The following ATG7 variants were observed in gnomAD, a reference collection of about 807,000 sequenced individuals.
ATG7 encodes ubiquitin-like modifier-activating enzyme ATG7.
A neutral mutation model predicts 82.4 loss-of-function variants in ATG7; 70 were observed. The ratio of observed to expected loss-of-function variants is 0.85; its 90% CI spans 0.70 to 1.04. ATG7 has a LOEUF of 1.04. ATG7 is among the 50% of genes least tolerant of loss of function. The probability of loss-of-function intolerance (pLI) is 0.00; values close to 1 mark genes in which losing one functional copy is unlikely to be tolerated. For synonymous variants in ATG7, 287 were observed against 313.0 expected, an observed-to-expected ratio of 0.92 and a Z score of 0.88; for missense variants, 792 against 864.3, an observed-to-expected ratio of 0.92 and a Z score of 1.05.
intron 20 of ATG7, among the ~76,000 whole-genome samples, chr3:11,440,056 T>C (rs1215806497): frequency 6.6e-6 from 1 of 152,220 alleles, no homozygotes; most frequent in Non-Finnish European, 1.5e-5. Context: ...CATTCTGCTT[T>C]ATAGAACATA....
rs530256011 is a variant in ATG7 at position 11,326,514 on chromosome 3, G to T, written c.679-4826G>T. Among the ~76,000 whole-genome samples the T allele has an allele frequency of 1.2e-4, 19 of 152,226 alleles. No homozygotes were observed. The South Asian group carries it at 3.7e-3, about 30-fold the overall frequency. On this transcript the variant is annotated intron_variant, in intron 9 of 20. Coordinates refer to ENST00000693202, the MANE Select transcript of ATG7 (RefSeq NM_001349232.2). ...GGGGTTTCACTGTGTTAGCCAGGAT[G>T]GTCTTGATCTCCTGACCTTGTGATC...
rs569774565 is a variant in ATG7, at chr3:11,391,994, C to T, written c.1956+11942C>T. On this transcript the variant is annotated intron_variant, in intron 19 of 20. Transcript: ENST00000693202. ...TAATTTCACTTTAAATTTTTAGCAG[C>T]TTCGAGGACTTAATTGGTTAGGCTC... Among the ~76,000 whole-genome samples, 22 of 151,020 alleles carry T rather than the reference C, an allele frequency of 1.5e-4. No individual in the cohort carries two copies. In the South Asian group the frequency reaches 3.4e-3, roughly 23 times the overall value.
the ATG7 span, among the ~76,000 whole-genome samples, chr3:11,569,385 C>G: frequency 1.3e-5 from 2 of 152,214 alleles, no homozygotes; most frequent in Non-Finnish European, 2.9e-5. Flanking sequence ...ATGGCAGGTG[C>G]TCCCACCCAG....
In ATG7 at chr3:11,395,939, CAAAAAA is replaced by C. The variant is rs869125190; in HGVS notation, c.1956+15908_1956+15913del. Among the ~76,000 whole-genome samples, 41 of 25,520 alleles carry C rather than the reference CAAAAAA, an allele frequency of 1.6e-3. 1 individual carries two copies. In the East Asian group the frequency reaches 0.049, roughly 30 times the overall value. 16.7% of individuals were successfully genotyped at this position (25,520 alleles called of 152,430 possible). A position where few individuals can be genotyped will look rare whatever the true frequency, so the allele number is the denominator to read the frequency against. On this transcript the variant is annotated intron_variant, in intron 19 of 20. Transcript: ENST00000693202. ...TGGGCGACAGAGCGAGACTCTGTCT[CAAAAAA>C]AAAAAAAAAAAAAAAAAAAAGGTAG...
intron 20 of ATG7, among the ~76,000 whole-genome samples, chr3:11,429,158 C>T (rs1383929037): frequency 6.6e-6 from 1 of 151,972 alleles, no homozygotes; most frequent in African/African-American, 2.4e-5. Context: ...TATTTTTTGG[C>T]CTGCCCAGTT....
intron 20 of ATG7, among the ~76,000 whole-genome samples, chr3:11,450,288 TTACA>T (rs1410840112): frequency 6.6e-6 from 1 of 152,212 alleles, no homozygotes; most frequent in Non-Finnish European, 1.5e-5. Context: ...AGTGTCTTTC[TTACA>T]TATTAGTTGG....
At chr3:11,518,983 A>T (rs897778196) in intron 20 of ATG7, among the ~76,000 whole-genome samples, 35 of 150,062 alleles carry the variant, frequency 2.3e-4, no homozygotes, top group Non-Finnish European at 2.7e-4. Context: ...ATCAAGATTT[A>T]AAAAAAAAAT....
At chr3:11,405,820 G>C (rs543687270) in intron 19 of ATG7, among the ~76,000 whole-genome samples, 1 of 151,754 alleles carries the variant, frequency 6.6e-6, no homozygotes, top group Non-Finnish European at 1.5e-5. Flanking sequence ...GGGTTTCGCT[G>C]TGTTTCCCAG....
intron 20 of ATG7, among the ~76,000 whole-genome samples, chr3:11,463,948 T>C (rs2086586322): frequency 6.6e-6 from 1 of 152,116 alleles, no homozygotes; most frequent in Non-Finnish European, 1.5e-5. Context: ...AAGGTGGTGG[T>C]CCCAGGAAGA....
At chr3:11,521,819 T>C (rs1413158869) in intron 20 of ATG7, among the ~76,000 whole-genome samples, 3 of 152,106 alleles carry the variant, frequency 2.0e-5, no homozygotes, top group South Asian at 4.1e-4. Context: ...CCCAAAGTGC[T>C]GGGATTACAG....
chr3:11,509,366 T>C (rs1037289087), intron 20 of ATG7, among the ~76,000 whole-genome samples: 16 of 152,122 alleles, frequency 1.1e-4, no homozygotes, highest in Non-Finnish European at 2.2e-4. Flanking sequence ...AGCTGTTTTT[T>C]TTCTGATGCA....
chr3:11,315,252 T>A, intron 8 of ATG7, 92 bp from the exon 9 acceptor site: 1 of 1,197,494 alleles, frequency 8.4e-7, no homozygotes, highest in Non-Finnish European at 1.1e-6. Flanking sequence ...TCTAGTCTTC[T>A]GGTTTTAAGG....
intron 19 of ATG7, among the ~76,000 whole-genome samples, chr3:11,402,576 A>T (rs558639555): frequency 6.6e-6 from 1 of 152,262 alleles, no homozygotes; most frequent in South Asian, 2.1e-4. Flanking sequence ...GAACCTCCTT[A>T]TACATTCATT....
At chr3:11,429,674 A>T (rs979770302) in intron 20 of ATG7, among the ~76,000 whole-genome samples, 1 of 150,440 alleles carries the variant, frequency 6.6e-6, no homozygotes, top group African/African-American at 2.4e-5. Flanking sequence ...TGGGCTGGGC[A>T]TGGTGGCTCA....
intron 20 of ATG7, among the ~76,000 whole-genome samples, chr3:11,435,531 A>G (rs1247810530): frequency 6.6e-6 from 1 of 152,142 alleles, no homozygotes; most frequent in Non-Finnish European, 1.5e-5. Flanking sequence ...TACTTTAATA[A>G]TCAGCCATAT....
chr3:11,470,635 C>A lies in ATG7; in HGVS notation c.2079+43709C>A, dbSNP rs773419938. Among the ~76,000 whole-genome samples, 45 of 152,242 alleles carry A rather than the reference C, an allele frequency of 3.0e-4. 1 individual carries two copies. The Middle Eastern group carries it at 0.014, about 46-fold the overall frequency. ...AGTAAATGTCAGCATTCCCATTTTACAGATGGGGAAGTTGAGGCTCAGAGG... is the reference window on the plus strand; with the variant it reads ...AGTAAATGTCAGCATTCCCATTTTAAAGATGGGGAAGTTGAGGCTCAGAGG... On this transcript the variant is annotated intron_variant, in intron 20 of 20. Transcript: ENST00000693202.
chr3:11,464,197 C>T (rs561646171), intron 20 of ATG7, among the ~76,000 whole-genome samples: 4 of 151,886 alleles, frequency 2.6e-5, no homozygotes, highest in African/African-American at 9.7e-5. Flanking sequence ...CATGGTGAAA[C>T]CCCATCTCTA....
intron 18 of ATG7, among the ~76,000 whole-genome samples, chr3:11,373,915 A>G (rs1345111911): frequency 1.3e-5 from 2 of 152,156 alleles, no homozygotes; most frequent in Non-Finnish European, 2.9e-5. Flanking sequence ...TTTTCTCTGT[A>G]TAGTCCAGAT....
chr3:11,538,652 G>A (rs530309284), intron 20 of ATG7, among the ~76,000 whole-genome samples: 38 of 121,150 alleles, frequency 3.1e-4, no homozygotes, highest in South Asian at 5.9e-4. Flanking sequence ...AGACCACCCT[G>A]GTCAGTGTGA....
Sources: gnomAD v4.1 joint callset for allele counts (sites outside exome capture counted in the v4.1 genomes callset) on GRCh38, gnomAD v4.1.1 for gene constraint, MANE v1.5 for transcripts, NCBI Gene and HGNC (gene_info 2026-07-23, HGNC 2026-07-21) for gene names.